Variants in ASAP1 observed in about 807,000 individuals in gnomAD.
ASAP1 encodes ArfGAP with SH3 domain, ankyrin repeat and PH domain 1.
A neutral mutation model predicts 145.2 loss-of-function variants in ASAP1; 43 were observed. That is an observed-to-expected ratio of 0.30 (90% confidence interval 0.23 to 0.38). ASAP1 has a LOEUF of 0.38. Among genes scored for constraint, ASAP1 ranks in the 10% least tolerant of loss-of-function variants. ASAP1 has a pLI of 1.00. For synonymous variants in ASAP1, 546 were observed against 515.5 expected (o/e 1.06, Z -0.80); for missense variants, 1,018 against 1,355.3 (o/e 0.75, Z 3.91).
intron 12 of ASAP1, among the ~76,000 whole-genome samples, chr8:130,153,846 C>T (rs1353951709): frequency 6.6e-6 from 1 of 152,086 alleles, no homozygotes; most frequent in Non-Finnish European, 1.5e-5. Flanking sequence ...ATCTGTGAAT[C>T]TTTCATAAGA....
intron 3 of ASAP1, among the ~76,000 whole-genome samples, chr8:130,248,330 G>A (rs956203927): frequency 6.6e-6 from 1 of 152,146 alleles, no homozygotes; most frequent in Non-Finnish European, 1.5e-5. Context: ...GGGATACCTG[G>A]TGAAGACAAG....
At chr8:130,167,298 A>C in intron 11 of ASAP1, 1 of 511,800 alleles carries the variant, frequency 2.0e-6, no homozygotes, top group South Asian at 1.9e-5. Context: ...CCTGTCTCAA[A>C]AAAGTAAAGA....
intron 5 of ASAP1, among the ~76,000 whole-genome samples, chr8:130,189,055 G>A (rs565155699): frequency 6.6e-6 from 1 of 152,042 alleles, no homozygotes; most frequent in African/African-American, 2.4e-5. Flanking sequence ...ATACATAATA[G>A]TTGTATTTAT....
At chr8:130,176,052 T>A (rs536294192) in intron 9 of ASAP1, among the ~76,000 whole-genome samples, 7 of 152,350 alleles carry the variant, frequency 4.6e-5, no homozygotes, top group African/African-American at 1.7e-4. Flanking sequence ...AATGTTCATG[T>A]CTGAAATTGA....
At chr8:130,072,831 G>GCGCGCGCGCGCGTGC in intron 27 of ASAP1, among the ~76,000 whole-genome samples, 1 of 110,776 alleles carries the variant, frequency 9.0e-6, no homozygotes, top group African/African-American at 3.6e-5. Context: ...GTGTGCGCGC[G>GCGCGCGCGCGCGTGC]GGGGGGGGCA....
At chr8:130,374,087 A>T (rs1281722105) in intron 2 of ASAP1, among the ~76,000 whole-genome samples, 1 of 150,280 alleles carries the variant, frequency 6.7e-6, no homozygotes, top group Admixed American at 6.6e-5. Context: ...CACAGAACTT[A>T]GAAGTCAAAA....
chr8:130,204,564 C>T (rs371099262), intron 5 of ASAP1, among the ~76,000 whole-genome samples: 1 of 152,084 alleles, frequency 6.6e-6, no homozygotes, highest in South Asian at 2.1e-4. Context: ...GCTCCTGCTC[C>T]CTCCCATTTC....
At chr8:130,240,831 A>G (rs1329874263) in intron 3 of ASAP1, among the ~76,000 whole-genome samples, 1 of 152,134 alleles carries the variant, frequency 6.6e-6, no homozygotes, top group African/African-American at 2.4e-5. Context: ...TTTCACACAT[A>G]GTCCTAACAA....
chr8:130,296,938 T>C (rs1822316456), intron 3 of ASAP1, among the ~76,000 whole-genome samples: 1 of 152,088 alleles, frequency 6.6e-6, no homozygotes, highest in African/African-American at 2.4e-5. Flanking sequence ...ACTGTCTTTT[T>C]TGGGGGGCTA....
chr8:130,166,587 T>C (rs139637211), intron 11 of ASAP1, among the ~76,000 whole-genome samples: 9 of 152,246 alleles, frequency 5.9e-5, no homozygotes, highest in African/African-American at 2.2e-4. Flanking sequence ...TCTTCCAATG[T>C]ATCTCTAATA....
chr8:130,264,139 A>G (rs778584963), intron 3 of ASAP1, among the ~76,000 whole-genome samples: 2 of 152,254 alleles, frequency 1.3e-5, no homozygotes. Context: ...ACCTCCAGAT[A>G]AGGAGAAGAG....
At position 130,273,546 on chromosome 8, in the gene ASAP1, C is replaced by G. The variant is rs186071244; in HGVS notation, c.187-36552G>C. 2.2e-3 allele frequency among the ~76,000 whole-genome samples: 334 copies of G among 152,302 alleles called. 1 individual carries two copies. The highest frequency in any genetic ancestry group is 4.8e-3 in the Admixed American group (74 of 15,300). On this transcript the variant is annotated intron_variant, in intron 3 of 29. Transcript: ENST00000518721. ...ACTTGCTATAAACACAGCAGCCAGG[C>G]TTCTGAACCCAGGAGCTTGTATTAA...
chr8:130,122,050 C>G (rs1023488102), intron 18 of ASAP1, among the ~76,000 whole-genome samples: 28 of 152,134 alleles, frequency 1.8e-4, no homozygotes, highest in Admixed American at 5.9e-4. Context: ...ATGACCTGTT[C>G]CAGCTGCCTG....
chr8:130,180,882 T>C lies in ASAP1; in HGVS notation c.531-2A>G. The C allele has an allele frequency of 6.2e-7, 1 of 1,601,242 alleles. No homozygotes were observed. Among genetic ancestry groups the C allele is most frequent in the Non-Finnish European group, 8.5e-7 (1 of 1,177,006 alleles). ...CTTTTCTCTTTCTCAATTTTTGTAC[T>C]GTAATTAAAGCCAATGTCATTATTT... On this transcript the variant is annotated splice_acceptor_variant, in intron 7 of 29. Coordinates refer to ENST00000518721, the MANE Select transcript of ASAP1 (RefSeq NM_018482.4). LOFTEE classifies it high-confidence loss of function.
intron 3 of ASAP1, among the ~76,000 whole-genome samples, chr8:130,270,342 T>C (rs918410887): frequency 6.6e-6 from 1 of 152,218 alleles, no homozygotes; most frequent in Non-Finnish European, 1.5e-5. Flanking sequence ...CATTGTGACC[T>C]GCAGTTTGAA....
intron 5 of ASAP1, among the ~76,000 whole-genome samples, chr8:130,194,187 A>C (rs972267477): frequency 6.6e-6 from 1 of 152,206 alleles, no homozygotes; most frequent in African/African-American, 2.4e-5. Flanking sequence ...GGAAAAATAA[A>C]ATTTAAATTT....
At chr8:130,253,473 G>A (rs1245381991) in intron 3 of ASAP1, among the ~76,000 whole-genome samples, 1 of 152,148 alleles carries the variant, frequency 6.6e-6, no homozygotes, top group East Asian at 1.9e-4. Context: ...CAAATTTTAT[G>A]TGAATGGTGG....
intron 9 of ASAP1, among the ~76,000 whole-genome samples, chr8:130,178,430 A>G (rs557398512): frequency 1.3e-5 from 2 of 152,368 alleles, no homozygotes; most frequent in Admixed American, 6.5e-5. Flanking sequence ...AATCACAAAC[A>G]TAACAAAAAG....
intron 5 of ASAP1, among the ~76,000 whole-genome samples, chr8:130,200,944 A>G (rs913636754): frequency 6.6e-6 from 1 of 152,230 alleles, no homozygotes; most frequent in African/African-American, 2.4e-5. Context: ...AACACTAGGA[A>G]ATTCTGGATC....
Sources: allele counts gnomAD v4.1 joint callset (sites outside exome capture counted in the v4.1 genomes callset), GRCh38; gene constraint gnomAD v4.1.1; transcripts MANE v1.5; gene names NCBI Gene and HGNC (gene_info 2026-07-23, HGNC 2026-07-21).